Variants in BACH2 observed in about 807,000 individuals in gnomAD.
BACH2 encodes transcription regulator protein BACH2.
A neutral mutation model predicts 61.8 loss-of-function variants in BACH2; 5 were observed. That is an observed-to-expected ratio of 0.08 (90% confidence interval 0.04 to 0.17). The LOEUF is 0.17. Ranked by LOEUF, BACH2 falls within the 10% of genes least tolerant of loss-of-function variation. The pLI is 1.00. For missense variants in BACH2, 824 were observed against 1,091.1 expected (o/e 0.76, Z 3.45); for synonymous variants, 446 against 440.1 (o/e 1.01, Z -0.17).
At chr6:90,105,376 T>A (rs573248659) in intron 4 of BACH2, among the ~76,000 whole-genome samples, 6 of 152,346 alleles carry the variant, frequency 3.9e-5, no homozygotes, top group African/African-American at 1.2e-4. Context: ...CAAACCATAA[T>A]TTTTACAAAA....
At chr6:90,147,421 T>C (rs1029607469) in intron 4 of BACH2, among the ~76,000 whole-genome samples, 6 of 152,170 alleles carry the variant, frequency 3.9e-5, no homozygotes, top group Non-Finnish European at 8.8e-5. Flanking sequence ...CACTATACCA[T>C]AAGCCTTCCC....
intron 5 of BACH2, among the ~76,000 whole-genome samples, chr6:90,033,063 T>C (rs968052045): frequency 2.6e-5 from 4 of 151,874 alleles, no homozygotes; most frequent in African/African-American, 9.7e-5. Context: ...TGTAGGGACA[T>C]GGATGAAGCT....
chr6:89,942,063 C>T (rs1773465814), intron 7 of BACH2, among the ~76,000 whole-genome samples: 1 of 152,180 alleles, frequency 6.6e-6, no homozygotes, highest in South Asian at 2.1e-4. Context: ...CAACTATAGA[C>T]TTTCTCCCAG....
At chr6:90,020,789 C>T (rs544595400) in intron 5 of BACH2, among the ~76,000 whole-genome samples, 22 of 152,194 alleles carry the variant, frequency 1.4e-4, no homozygotes, top group Admixed American at 3.3e-4. Context: ...TCCCCTCCGC[C>T]CCCCACTCCT....
chr6:89,970,703 C>G (rs180738394), intron 6 of BACH2, among the ~76,000 whole-genome samples: 1 of 152,148 alleles, frequency 6.6e-6, no homozygotes, highest in Non-Finnish European at 1.5e-5. Flanking sequence ...TTTCTGGCCC[C>G]CCCCAGATCT....
intron 6 of BACH2, among the ~76,000 whole-genome samples, chr6:90,007,320 C>T (rs567441772): frequency 1.1e-4 from 16 of 152,066 alleles, no homozygotes; most frequent in Admixed American, 2.0e-4. Context: ...ATAATCTGCT[C>T]GCCTCGGCCT....
rs1000351215 is a variant in BACH2, at chr6:89,982,399, A to G, written c.243+26203T>C. On this transcript the variant is annotated intron_variant, in intron 6 of 8. Transcript: ENST00000257749. ...GGAAAGACACAAGGAACATCCTGGC[A>G]GCACGCATACTGAATCATAACAAGG... is the stretch of plus-strand genomic sequence containing the variant. Among the ~76,000 whole-genome samples, 17 of 152,194 alleles carry G rather than the reference A, an allele frequency of 1.1e-4. 1 individual carries two copies. Among genetic ancestry groups the G allele is most frequent in the African/African-American group, 3.6e-4 (15 of 41,442 alleles).
At chr6:90,171,187 G>A (rs573662069) in intron 4 of BACH2, among the ~76,000 whole-genome samples, 3 of 152,180 alleles carry the variant, frequency 2.0e-5, no homozygotes, top group Admixed American at 2.0e-4. Flanking sequence ...GAGACAGGAG[G>A]ATCACTTGAG....
At chr6:90,170,365 C>CTTGT (rs1767771086) in intron 4 of BACH2, among the ~76,000 whole-genome samples, 1 of 152,112 alleles carries the variant, frequency 6.6e-6, no homozygotes, top group African/African-American at 2.4e-5. Context: ...TACACTTTAC[C>CTTGT]TATTTATCTT....
chr6:90,138,337 T>C (rs1382668087), intron 4 of BACH2, among the ~76,000 whole-genome samples: 1 of 152,120 alleles, frequency 6.6e-6, no homozygotes. Flanking sequence ...GCCCCGTCTC[T>C]ACTAAAAATA....
chr6:90,152,470 C>T (rs1784858881), intron 4 of BACH2, among the ~76,000 whole-genome samples: 1 of 152,150 alleles, frequency 6.6e-6, no homozygotes, highest in Admixed American at 6.5e-5. Context: ...TATTTTTCAG[C>T]CCCACCTCCA....
At chr6:89,964,128 G>T (rs572452653) in intron 6 of BACH2, among the ~76,000 whole-genome samples, 17 of 151,494 alleles carry the variant, frequency 1.1e-4, no homozygotes, top group African/African-American at 4.1e-4. Flanking sequence ...AGTGGGTGCA[G>T]CGCACCAGCA....
At chr6:90,018,975 C>A (rs574808615) in intron 5 of BACH2, among the ~76,000 whole-genome samples, 37 of 152,078 alleles carry the variant, frequency 2.4e-4, no homozygotes, top group Admixed American at 2.4e-3. Flanking sequence ...CCTTCATTTT[C>A]GTGGAATGTT....
intron 4 of BACH2, among the ~76,000 whole-genome samples, chr6:90,191,111 G>A (rs1768554259): frequency 6.6e-6 from 1 of 152,206 alleles, no homozygotes; most frequent in Non-Finnish European, 1.5e-5. Flanking sequence ...AGGCCCATCC[G>A]TGACTTAAGG....
intron 4 of BACH2, among the ~76,000 whole-genome samples, chr6:90,096,697 C>G (rs1782394273): frequency 1.3e-5 from 2 of 152,134 alleles, no homozygotes. Flanking sequence ...GAGTCCTAGG[C>G]CAGAGTTCAT....
rs71298713 is a variant in BACH2, at chr6:89,939,656, CTTTTTTTTTTT to C, written c.1837-1317_1837-1307del. Among the ~76,000 whole-genome samples, 170 of 82,620 alleles carry C rather than the reference CTTTTTTTTTTT, an allele frequency of 2.1e-3. 1 individual carries two copies. Among genetic ancestry groups the C allele is most frequent in the African/African-American group, 7.5e-3 (157 of 21,072 alleles). 54.2% of individuals were successfully genotyped at this position (82,620 alleles called of 152,430 possible). A position where few individuals can be genotyped will look rare whatever the true frequency, so the allele number is the denominator to read the frequency against. Reference sequence around the variant, plus strand: ...TGTTGTTAAATGATTGCTTATATTTCTTTTTTTTTTTTTTTTTTTTTTTTTTGAGACAGGGT... The same window carrying C: ...TGTTGTTAAATGATTGCTTATATTTCTTTTTTTTTTTTTTTGAGACAGGGT... On this transcript the variant is annotated intron_variant, in intron 7 of 8. Transcript: ENST00000257749.
intron 5 of BACH2, among the ~76,000 whole-genome samples, chr6:90,052,984 T>G (rs1001724022): frequency 6.6e-6 from 1 of 152,174 alleles, no homozygotes; most frequent in African/African-American, 2.4e-5. Context: ...GCTTTATGTA[T>G]TTTTTCTTTC....
intron 5 of BACH2, among the ~76,000 whole-genome samples, chr6:90,058,078 G>T (rs1028245011): frequency 4.6e-4 from 70 of 152,118 alleles, no homozygotes; most frequent in Middle Eastern, 3.4e-3. Flanking sequence ...AGGGATGCCC[G>T]TTCTCACCAC....
chr6:90,095,311 T>A (rs1306472824), intron 4 of BACH2, among the ~76,000 whole-genome samples: 1 of 151,978 alleles, frequency 6.6e-6, no homozygotes, highest in Non-Finnish European at 1.5e-5. Flanking sequence ...GAACCACAGA[T>A]CTTGTGGCTT....
Sources: allele counts gnomAD v4.1 joint callset (sites outside exome capture counted in the v4.1 genomes callset), GRCh38; gene constraint gnomAD v4.1.1; transcripts MANE v1.5; gene names NCBI Gene and HGNC (gene_info 2026-07-23, HGNC 2026-07-21).